SPOCK3: variants seen among roughly 807,000 people sequenced by gnomAD.
SPOCK3 encodes the protein testican-3.
A neutral mutation model predicts 56.6 loss-of-function variants in SPOCK3; 30 were observed. The observed-to-expected ratio is 0.53, with a 90% CI of 0.40 to 0.72. SPOCK3 has a LOEUF of 0.72. SPOCK3 is among the 30% of genes least tolerant of loss of function. The pLI, the probability that SPOCK3 is intolerant of heterozygous loss-of-function variation, is 0.00. For missense variants in SPOCK3, 527 were observed against 530.0 expected, an observed-to-expected ratio of 0.99 and a Z score of 0.06; for synonymous variants, 196 against 183.3, an observed-to-expected ratio of 1.07 and a Z score of -0.56.
At chr4:167,230,139 CTAAT>C (rs986684335) in intron 2 of SPOCK3, among the ~76,000 whole-genome samples, 21 of 150,766 alleles carry the variant, frequency 1.4e-4, no homozygotes, top group Admixed American at 8.7e-4. Context: ...TTTGTCATTC[CTAAT>C]TAATTTATGT....
chr4:166,754,753 ATTAG>A, intron 7 of SPOCK3, 24 bp from the exon 8 acceptor site: 2 of 1,611,592 alleles, frequency 1.2e-6, no homozygotes, highest in Non-Finnish European at 1.7e-6. Flanking sequence ...AAAGAAAATG[ATTAG>A]TTAAATATGA....
intron 6 of SPOCK3, among the ~76,000 whole-genome samples, chr4:166,837,486 C>T (rs761987630): frequency 8.5e-5 from 13 of 152,104 alleles, no homozygotes; most frequent in Non-Finnish European, 1.6e-4. Flanking sequence ...CTTTTTACTG[C>T]TTGCTCTAGC....
chr4:166,837,252 G>C (rs368871961), intron 6 of SPOCK3, among the ~76,000 whole-genome samples: 1 of 152,152 alleles, frequency 6.6e-6, no homozygotes, highest in Non-Finnish European at 1.5e-5. Context: ...AGACACACCA[G>C]CTTTAGCCAT....
intron 2 of SPOCK3, among the ~76,000 whole-genome samples, chr4:167,187,263 G>A (rs1253576809): frequency 6.8e-6 from 1 of 147,468 alleles, no homozygotes; most frequent in African/African-American, 2.5e-5. Context: ...GCAACTTTAG[G>A]GTTCCAGTTT....
chr4:167,120,003 A>C (rs1761735698), intron 2 of SPOCK3: 3 of 582,548 alleles, frequency 5.1e-6, no homozygotes, highest in Non-Finnish European at 8.8e-6. Context: ...ATTTTATGTT[A>C]AAGCAGTGTA....
At chr4:166,940,626 AAG>A (rs1328424999) in intron 4 of SPOCK3, among the ~76,000 whole-genome samples, 1 of 151,400 alleles carries the variant, frequency 6.6e-6, no homozygotes, top group Non-Finnish European at 1.5e-5. Context: ...AACCCCTAGG[AAG>A]AGATTTAAGA....
intron 2 of SPOCK3, among the ~76,000 whole-genome samples, chr4:167,155,690 A>G (rs1764758447): frequency 6.6e-6 from 1 of 152,204 alleles, no homozygotes; most frequent in African/African-American, 2.4e-5. Flanking sequence ...ACAGGAAAAC[A>G]TAGAAAGGCT....
At chr4:167,127,626 C>A (rs1008268333) in intron 2 of SPOCK3, among the ~76,000 whole-genome samples, 1 of 152,020 alleles carries the variant, frequency 6.6e-6, no homozygotes, top group Non-Finnish European at 1.5e-5. Context: ...CAGGGTTCCA[C>A]CGTGTTGGCC....
intron 2 of SPOCK3, among the ~76,000 whole-genome samples, chr4:167,174,375 A>G (rs962550194): frequency 1.3e-5 from 2 of 152,118 alleles, no homozygotes; most frequent in African/African-American, 4.8e-5. Flanking sequence ...TGTTTCAGGG[A>G]AAGAAGATAT....
In SPOCK3 at chr4:167,195,423, G is replaced by C. The variant is rs146553214; in HGVS notation, c.189+38562C>G. ...TCCCAAGAAGGTAATTAGGAGTGCA[G>C]AACTGTTGAGAGAGGCTAGAACCAA... On this transcript the variant is annotated intron_variant, in intron 2 of 10. Transcript: ENST00000357545. 3.9e-5 allele frequency among the ~76,000 whole-genome samples: 6 copies of C among 152,298 alleles called. No individual in the cohort carries two copies. In the East Asian group the frequency reaches 9.7e-4, roughly 25 times the overall value.
At chr4:167,224,836 T>A (rs1289289901) in intron 2 of SPOCK3, among the ~76,000 whole-genome samples, 1 of 151,956 alleles carries the variant, frequency 6.6e-6, no homozygotes, top group East Asian at 1.9e-4. Flanking sequence ...TCAGCTAATT[T>A]TTGTGTATTT....
intron 2 of SPOCK3, among the ~76,000 whole-genome samples, chr4:167,094,481 T>C (rs1021334684): frequency 6.6e-6 from 1 of 152,006 alleles, no homozygotes; most frequent in African/African-American, 2.4e-5. Context: ...CATCAATCCA[T>C]GTAATCCACC....
intron 3 of SPOCK3, among the ~76,000 whole-genome samples, chr4:167,039,554 G>A (rs553111157): frequency 6.6e-6 from 1 of 151,740 alleles, no homozygotes; most frequent in East Asian, 1.9e-4. Flanking sequence ...TTACAGCATT[G>A]ACATCCATTT....
intron 4 of SPOCK3, among the ~76,000 whole-genome samples, chr4:166,950,413 C>G (rs1742413696): frequency 4.0e-5 from 6 of 151,752 alleles, no homozygotes; most frequent in Admixed American, 3.9e-4. Context: ...GCACCCAATA[C>G]AGGAGCACCA....
intron 4 of SPOCK3, among the ~76,000 whole-genome samples, chr4:166,967,626 CTG>C (rs1172649365): frequency 1.3e-5 from 2 of 152,208 alleles, no homozygotes; most frequent in African/African-American, 4.8e-5. Flanking sequence ...GTCAGTCCCA[CTG>C]TATAGTCCAT....
intron 2 of SPOCK3, among the ~76,000 whole-genome samples, chr4:167,091,324 T>A (rs932242194): frequency 6.6e-5 from 10 of 152,196 alleles, no homozygotes; most frequent in African/African-American, 2.2e-4. Flanking sequence ...CATTATTATT[T>A]CATAATGAAC....
chr4:167,146,889 C>T (rs1764009052), intron 2 of SPOCK3, among the ~76,000 whole-genome samples: 1 of 152,066 alleles, frequency 6.6e-6, no homozygotes, highest in Non-Finnish European at 1.5e-5. Flanking sequence ...CCTAACATCA[C>T]ACTTAAAAGA....
intron 3 of SPOCK3, among the ~76,000 whole-genome samples, chr4:167,001,848 G>T (rs958550302): frequency 6.6e-6 from 1 of 152,150 alleles, no homozygotes; most frequent in African/African-American, 2.4e-5. Context: ...ATAAAATGTG[G>T]ATTTGAGATA....
In SPOCK3 at chr4:167,233,975, C is replaced by T; in HGVS notation, c.189+10G>A. ...GCGTGTGCCCGGGGATGTGGGTGCG[C>T]GGAACTTACGTCTCGGAATTTGTTC... On this transcript the variant is annotated intron_variant, in intron 2 of 10. Coordinates refer to ENST00000357545, the MANE Select transcript of SPOCK3 (RefSeq NM_001040159.2). The T allele has an allele frequency of 1.2e-6, 2 of 1,609,380 alleles. No homozygotes were observed. The highest frequency in any genetic ancestry group is 1.7e-6 in the Non-Finnish European group (2 of 1,176,094).
Sources: gnomAD v4.1 joint callset for allele counts (sites outside exome capture counted in the v4.1 genomes callset) on GRCh38, gnomAD v4.1.1 for gene constraint, MANE v1.5 for transcripts, NCBI Gene and HGNC (gene_info 2026-07-23, HGNC 2026-07-21) for gene names.